LSAMP: variants seen among roughly 807,000 people sequenced by gnomAD.
The protein encoded by LSAMP is limbic system associated membrane protein.
LSAMP carries 7 observed loss-of-function variants against 38.6 expected under a neutral mutation model. That is an observed-to-expected ratio of 0.18 (90% CI 0.10 to 0.34). The LOEUF is 0.34. LSAMP is among the 10% of genes least tolerant of loss of function. The pLI, the probability that LSAMP is intolerant of heterozygous loss-of-function variation, is 1.00. For synonymous variants in LSAMP, 154 were observed against 166.8 expected (o/e 0.92, Z 0.59); for missense variants, 313 against 420.0 (o/e 0.75, Z 2.23).
At chr3:116,384,023 A>G (rs2048594120) in intron 1 of LSAMP, among the ~76,000 whole-genome samples, 1 of 152,146 alleles carries the variant, frequency 6.6e-6, no homozygotes, top group Non-Finnish European at 1.5e-5. Flanking sequence ...CAAGCCATGT[A>G]AAGGGACTTT....
intron 1 of LSAMP, among the ~76,000 whole-genome samples, chr3:116,421,265 C>T (rs2049119449): frequency 6.6e-6 from 1 of 152,030 alleles, no homozygotes; most frequent in Non-Finnish European, 1.5e-5. Flanking sequence ...GACTTACATG[C>T]AGAATTTATA....
At chr3:116,328,469 TAGAGATTA>T (rs1212076039) in intron 1 of LSAMP, among the ~76,000 whole-genome samples, 4 of 152,192 alleles carry the variant, frequency 2.6e-5, no homozygotes, top group African/African-American at 9.7e-5. Context: ...AAACTCAAAT[TAGAGATTA>T]ACATTACAGG....
At chr3:116,149,238 GAAAAA>G (rs1239809979) in intron 1 of LSAMP, among the ~76,000 whole-genome samples, 3 of 151,886 alleles carry the variant, frequency 2.0e-5, no homozygotes, top group African/African-American at 7.3e-5. Flanking sequence ...AAAAGGGAAA[GAAAAA>G]AAGAAGGAAA....
intron 3 of LSAMP, among the ~76,000 whole-genome samples, chr3:115,867,480 G>GCAGTGGCTCT (rs1415596667): frequency 6.6e-6 from 1 of 152,088 alleles, no homozygotes; most frequent in Non-Finnish European, 1.5e-5. Flanking sequence ...GGCAAACTTA[G>GCAGTGGCTCT]CAGTGGCTCT....
At chr3:116,339,028 C>T (rs922498738) in intron 1 of LSAMP, among the ~76,000 whole-genome samples, 1 of 151,978 alleles carries the variant, frequency 6.6e-6, no homozygotes, top group Admixed American at 6.6e-5. Context: ...AAGAAGGAAG[C>T]TCTCAGGATT....
chr3:116,094,911 T>A (rs1209159115), intron 1 of LSAMP, among the ~76,000 whole-genome samples: 1 of 152,176 alleles, frequency 6.6e-6, no homozygotes, highest in Admixed American at 6.5e-5. Context: ...TTAAATCAAA[T>A]GAGGTGACGT....
At position 116,199,449 on chromosome 3, in the gene LSAMP, G is replaced by A. The variant is rs140841940; in HGVS notation, c.156-112893C>T. 6.9e-3 allele frequency among the ~76,000 whole-genome samples: 1,046 copies of A among 152,082 alleles called. 15 individuals carry two copies. Among genetic ancestry groups the A allele is most frequent in the African/African-American group, 0.024 (990 of 41,490 alleles). On this transcript the variant is annotated intron_variant, in intron 1 of 6. Coordinates refer to ENST00000490035, the MANE Select transcript of LSAMP (RefSeq NM_002338.5). ...GTTCATTTGCTTTTATTTTATCCCCGCTGAAGAAAAGTGTCTAAGAGTGGG... is the reference window on the plus strand; with the variant it reads ...GTTCATTTGCTTTTATTTTATCCCCACTGAAGAAAAGTGTCTAAGAGTGGG...
intron 3 of LSAMP, among the ~76,000 whole-genome samples, chr3:115,976,033 C>T (rs1404245087): frequency 6.6e-6 from 1 of 152,148 alleles, no homozygotes; most frequent in Non-Finnish European, 1.5e-5. Flanking sequence ...TTTCACCATG[C>T]TTAATACCCT....
At chr3:116,323,890 A>G (rs1340573522) in intron 1 of LSAMP, among the ~76,000 whole-genome samples, 2 of 152,184 alleles carry the variant, frequency 1.3e-5, no homozygotes, top group African/African-American at 4.8e-5. Context: ...CTGAAGATCC[A>G]AAACAATCTT....
intron 1 of LSAMP, among the ~76,000 whole-genome samples, chr3:116,353,345 AAG>A (rs374162680): frequency 1.1e-3 from 160 of 152,256 alleles, no homozygotes; most frequent in African/African-American, 3.7e-3. Context: ...AGTTCTGCAC[AAG>A]AGTTATAGTT....
At chr3:116,160,585 T>C (rs1563935) in intron 1 of LSAMP, among the ~76,000 whole-genome samples, 147,897 of 152,272 alleles carry the variant, frequency 0.97, 71,970 homozygotes, top group South Asian at 1. Context: ...ACCTGGGTGA[T>C]GAAATAATCA....
At chr3:116,332,932 T>G (rs2047869555) in intron 1 of LSAMP, among the ~76,000 whole-genome samples, 2 of 152,014 alleles carry the variant, frequency 1.3e-5, no homozygotes, top group Non-Finnish European at 1.5e-5. Flanking sequence ...TTCAATACAG[T>G]AGGAAGATAT....
chr3:116,270,784 T>C (rs796803981), intron 1 of LSAMP, among the ~76,000 whole-genome samples: 4 of 152,194 alleles, frequency 2.6e-5, no homozygotes, highest in African/African-American at 9.6e-5. Context: ...AAGTTCAAAG[T>C]AAACCCAGGT....
intron 1 of LSAMP, among the ~76,000 whole-genome samples, chr3:116,197,466 T>C (rs1394625569): frequency 2.6e-5 from 4 of 152,208 alleles, no homozygotes; most frequent in Non-Finnish European, 1.5e-5. Context: ...CTTACTCAGC[T>C]AGATCGGATA....
intron 2 of LSAMP, among the ~76,000 whole-genome samples, chr3:116,041,244 T>C (rs1941164403): frequency 6.6e-6 from 1 of 152,080 alleles, no homozygotes; most frequent in South Asian, 2.1e-4. Context: ...TTAAGGCCCA[T>C]ATTAGCCAAC....
intron 3 of LSAMP, among the ~76,000 whole-genome samples, chr3:115,868,505 A>G (rs1935924859): frequency 6.6e-6 from 1 of 152,130 alleles, no homozygotes; most frequent in South Asian, 2.1e-4. Context: ...GGATGGGTGG[A>G]ACACATTTAG....
At chr3:115,830,576 T>C (rs921340887) in intron 6 of LSAMP, among the ~76,000 whole-genome samples, 1 of 152,202 alleles carries the variant, frequency 6.6e-6, no homozygotes, top group Non-Finnish European at 1.5e-5. Flanking sequence ...CCCTTTAAAC[T>C]CTAATGGTAC....
intron 2 of LSAMP, among the ~76,000 whole-genome samples, chr3:116,065,980 T>C (rs1334629454): frequency 2.6e-5 from 4 of 152,224 alleles, no homozygotes; most frequent in Non-Finnish European, 4.4e-5. Context: ...ATAATGAATA[T>C]GAGTGTTTGG....
At chr3:115,829,135 G>T (rs56733729) in intron 6 of LSAMP, among the ~76,000 whole-genome samples, 227 of 152,208 alleles carry the variant, frequency 1.5e-3, no homozygotes, top group African/African-American at 5.2e-3. Context: ...ATTTATTCTT[G>T]CTAGCAACTT....
Sources: gnomAD v4.1 joint callset for allele counts (sites outside exome capture counted in the v4.1 genomes callset) on GRCh38, gnomAD v4.1.1 for gene constraint, MANE v1.5 for transcripts, NCBI Gene and HGNC (gene_info 2026-07-23, HGNC 2026-07-21) for gene names.